Variants in SSH2 observed in about 807,000 individuals in gnomAD.
The protein encoded by SSH2 is protein phosphatase Slingshot homolog 2.
In SSH2, 37 loss-of-function variants were observed where a neutral mutation model predicts 135.2. The ratio of observed to expected loss-of-function variants is 0.27; its 90% confidence interval spans 0.21 to 0.36. The LOEUF (loss-of-function observed/expected upper bound fraction) is 0.36, where lower values mean the gene tolerates loss of function less well. Ranked by LOEUF, SSH2 falls within the 10% of genes least tolerant of loss-of-function variation. The probability of loss-of-function intolerance (pLI) is 1.00; values close to 1 mark genes in which losing one functional copy is unlikely to be tolerated. For missense variants in SSH2, 1,408 were observed against 1,765.3 expected, an observed-to-expected ratio of 0.80 and a Z score of 3.63; for synonymous variants, 628 against 646.2, an observed-to-expected ratio of 0.97 and a Z score of 0.43.
chr17:29,775,898 T>C (rs183564969), intron 3 of SSH2: 1 of 152,334 alleles, frequency 6.6e-6, no homozygotes, highest in East Asian at 1.9e-4. Context: ...GGAATTTGGA[T>C]CATGAGCAGC....
intron 1 of SSH2, among the ~76,000 whole-genome samples, chr17:29,913,823 G>A (rs890074261): frequency 4.0e-5 from 6 of 151,766 alleles, no homozygotes; most frequent in African/African-American, 7.3e-5. Flanking sequence ...TAGTAGAGAC[G>A]GGATTTCTCC....
At chr17:29,860,752 T>C (rs1313526536) in intron 1 of SSH2, among the ~76,000 whole-genome samples, 1 of 39,398 alleles carries the variant, frequency 2.5e-5, no homozygotes, top group African/African-American at 6.2e-5. Context: ...ACTTTTTTTC[T>C]TTTTTTTTTT....
In SSH2 at chr17:29,626,040, T is replaced by TA. The variant is rs2035489000; in HGVS notation, c.*4800dup. 2 of 152,496 alleles carry TA rather than the reference T, an allele frequency of 1.3e-5. No individual in the cohort carries two copies. The allele number at this position is 152,496 out of a possible 1,614,324, so 9.4% of individuals were successfully genotyped here. ...TAAAAACAGTGGAGCATATCTGTAA[T>TA]AAAAAAATCTATGATACAAGTGGAA... On this transcript the variant is annotated 3_prime_UTR_variant, in exon 16 of 16. Transcript: ENST00000540801.
chr17:29,632,596 T>G lies in SSH2; in HGVS notation c.2598A>C (p.Glu866Asp). 1 of 1,614,174 alleles carries G rather than the reference T, an allele frequency of 6.2e-7. No individual in the cohort carries two copies. The highest frequency in any genetic ancestry group is 8.5e-7 in the Non-Finnish European group (1 of 1,180,032). ...LTTHSSIADL[E>D]EGEPAEGEQE... Reference sequence around the variant, plus strand: ...GTTCCCCCTCAGCTGGTTCCCCTTCTTCCAAGTCTGCTATAGATGAGTGTG... The same window carrying G: ...GTTCCCCCTCAGCTGGTTCCCCTTCGTCCAAGTCTGCTATAGATGAGTGTG... Residue 866 changes from glutamate (E) to aspartate (D), a missense_variant, in exon 16 of 16, where the codon GAA becomes GAC. Around this residue, in one of 3 missense-constraint regions of SSH2, gnomAD observed 1,080 missense variants for 1,144.5 expected, o/e 0.94. Coordinates refer to ENST00000540801, the MANE Select transcript of SSH2 (RefSeq NM_001282129.2).
chr17:29,886,368 A>G (rs1477068535), intron 1 of SSH2, among the ~76,000 whole-genome samples: 1 of 152,146 alleles, frequency 6.6e-6, no homozygotes, highest in East Asian at 1.9e-4. Flanking sequence ...GTTCTGTGGA[A>G]CTTTGAACTT....
chr17:29,731,519 G>A (rs1233539137), intron 3 of SSH2, among the ~76,000 whole-genome samples: 1 of 151,502 alleles, frequency 6.6e-6, no homozygotes, highest in African/African-American at 2.4e-5. Flanking sequence ...GCAGTGGCAC[G>A]ATCTCGGCTC....
In SSH2 at chr17:29,761,267, CTCAGGGTCATGGGGCCGGCTCAA is replaced by C. The variant is rs1360465817; in HGVS notation, c.188+32604_188+32626del. 4.7e-6 allele frequency: 6 copies of C among 1,288,692 alleles called. No individual in the cohort carries two copies. The African/African-American group carries it at 9.1e-5, about 20-fold the overall frequency. The allele number at this position is 1,288,692 out of a possible 1,614,324, so 79.8% of individuals were successfully genotyped here. On this transcript the variant is annotated intron_variant, in intron 3 of 15. Transcript: ENST00000540801. Reference sequence around the variant, plus strand: ...CGCCTTCCTCTTGCGGGCCAACGTGCTCAGGGTCATGGGGCCGGCTCAAAGTGCACAACTCCGCATCCTGGCCT... The same window carrying C: ...CGCCTTCCTCTTGCGGGCCAACGTGCAGTGCACAACTCCGCATCCTGGCCT...
At chr17:29,922,215 G>C (rs2151487248) in intron 1 of SSH2, among the ~76,000 whole-genome samples, 1 of 152,350 alleles carries the variant, frequency 6.6e-6, no homozygotes, top group East Asian at 1.9e-4. Flanking sequence ...GTGCAAGGCA[G>C]GGACTTGGGA....
intron 3 of SSH2, among the ~76,000 whole-genome samples, chr17:29,790,546 T>A (rs2042045627): frequency 6.6e-6 from 1 of 152,230 alleles, no homozygotes; most frequent in South Asian, 2.1e-4. Context: ...ACATTCTGGA[T>A]TTAACCCCTT....
At position 29,695,448 on chromosome 17, in the gene SSH2, C is replaced by T. The variant is rs765438695; in HGVS notation, c.357+11G>A. The T allele has an allele frequency of 2.5e-6, 4 of 1,606,718 alleles. No homozygotes were observed. Among genetic ancestry groups the T allele is most frequent in the Non-Finnish European group, 3.4e-6 (4 of 1,176,754 alleles). ...TTGAGGAAGAAAATTATGATGACAC[C>T]ACTAACTTACCAGCCTGATGTTGTC... On this transcript the variant is annotated intron_variant, in intron 5 of 15. Coordinates refer to ENST00000540801, the MANE Select transcript of SSH2 (RefSeq NM_001282129.2).
intron 4 of SSH2, among the ~76,000 whole-genome samples, chr17:29,700,304 T>C (rs186770530): frequency 6.6e-6 from 1 of 152,262 alleles, no homozygotes; most frequent in Admixed American, 6.5e-5. Flanking sequence ...CAGGCTGACT[T>C]TTATTTTTTT....
intron 3 of SSH2, among the ~76,000 whole-genome samples, chr17:29,742,479 C>CA (rs2040593682): frequency 1.3e-5 from 1 of 79,710 alleles, no homozygotes; most frequent in Non-Finnish European, 2.4e-5. Context: ...CCACCACACC[C>CA]AGTTTTTTTT....
intron 5 of SSH2, among the ~76,000 whole-genome samples, chr17:29,688,962 C>T (rs1384753900): frequency 6.6e-6 from 1 of 152,088 alleles, no homozygotes; most frequent in Non-Finnish European, 1.5e-5. Flanking sequence ...TCGAGATCAG[C>T]TGGCCAACAG....
intron 2 of SSH2, among the ~76,000 whole-genome samples, chr17:29,846,893 C>T (rs1316399572): frequency 6.6e-6 from 1 of 152,092 alleles, no homozygotes. Flanking sequence ...GTTTGTAGAA[C>T]CTAGTTTTGG....
At chr17:29,757,956 A>G (rs2255489) in intron 3 of SSH2, among the ~76,000 whole-genome samples, 92,988 of 151,754 alleles carry the variant, frequency 0.61, 30,888 homozygotes, top group African/African-American at 0.88. Flanking sequence ...TGAAGCAAGA[A>G]GGCTGCTTGA....
chr17:29,648,083 C>A, intron 14 of SSH2, 61 bp downstream of exon 14: 1 of 1,465,844 alleles, frequency 6.8e-7, no homozygotes, highest in Non-Finnish European at 9.6e-7. Flanking sequence ...CAGAGAAGGA[C>A]ACTTCATCTT....
intron 3 of SSH2, among the ~76,000 whole-genome samples, chr17:29,755,539 A>C (rs866211276): frequency 1.3e-5 from 2 of 152,176 alleles, no homozygotes; most frequent in African/African-American, 4.8e-5. Context: ...GAAAGTAATA[A>C]GAGCCTATGA....
At chr17:29,739,790 G>T (rs1250661991) in intron 3 of SSH2, among the ~76,000 whole-genome samples, 1 of 152,082 alleles carries the variant, frequency 6.6e-6, no homozygotes, top group Non-Finnish European at 1.5e-5. Flanking sequence ...TTTACCTTTG[G>T]TTTTTTTATT....
At chr17:29,926,703 A>C (rs1431882255) in intron 1 of SSH2, among the ~76,000 whole-genome samples, 1 of 152,074 alleles carries the variant, frequency 6.6e-6, no homozygotes, top group African/African-American at 2.4e-5. Context: ...CCTCGCCTTT[A>C]TCTCTTACTA....
Sources: allele counts gnomAD v4.1 joint callset (sites outside exome capture counted in the v4.1 genomes callset), GRCh38; gene constraint gnomAD v4.1.1; regional missense constraint gnomAD v4.1.1; transcripts MANE v1.5; gene names NCBI Gene and HGNC (gene_info 2026-07-23, HGNC 2026-07-21).